Variants in PLS3 observed in about 807,000 individuals in gnomAD.
PLS3 encodes the protein plastin-3.
A neutral mutation model predicts 46.5 loss-of-function variants in PLS3; 11 were observed. The ratio of observed to expected loss-of-function variants is 0.24; its 90% CI spans 0.15 to 0.39. The LOEUF is 0.39. Ranked by LOEUF, PLS3 falls within the 10% of genes least tolerant of loss-of-function variation. The pLI is 1.00. For synonymous variants in PLS3, 167 were observed against 162.2 expected, an observed-to-expected ratio of 1.03 and a Z score of -0.22; for missense variants, 308 against 461.8, an observed-to-expected ratio of 0.67 and a Z score of 3.05.
Position 115,629,286 on chromosome X carries a change from C to G in PLS3, c.326C>G (p.Thr109Ser). 1 of 1,205,590 alleles carries G rather than the reference C, an allele frequency of 8.3e-7. No homozygotes were observed. Among genetic ancestry groups the G allele is most frequent in the Non-Finnish European group, 1.1e-6 (1 of 890,962 alleles). ...GAAGGTATTTGTGCTCTGGGTGGAA[C>G]TTCAGAGTTGTCCAGCGAAGGAACA... ...RKEGICALGG[T>S]SELSSEGTQH... Residue 109 changes from threonine (T) to serine (S), a missense_variant, in exon 4 of 16, where the codon ACT (threonine) becomes AGT (serine). Thr to Ser is a moderately conservative substitution (Grantham distance 58). Transcript: ENST00000355899.
In PLS3 at chrX:115,620,706, CTTTTTTTTTTTT is replaced by C. The variant is rs1176959674; in HGVS notation, c.74-1527_74-1516del. 1.5e-3 allele frequency among the ~76,000 whole-genome samples: 84 copies of C among 54,727 alleles called. 2 individuals are homozygous for C. In the East Asian group the frequency reaches 0.039, roughly 25 times the overall value. 47.5% of individuals were successfully genotyped at this position (54,727 alleles called of 115,157 possible). ...TGCTTTTTTCTTTTTTTTTTCTTTT[CTTTTTTTTTTTT>C]TTTTTTTTTTTTGAGATGGAGTCTT... is the stretch of plus-strand genomic sequence containing the variant. On this transcript the variant is annotated intron_variant, in intron 2 of 15. Coordinates refer to ENST00000355899, the MANE Select transcript of PLS3 (RefSeq NM_005032.7).
chrX:115,598,100 A>G (rs781960828), intron 1 of PLS3, among the ~76,000 whole-genome samples: 1 of 110,180 alleles, frequency 9.1e-6, no homozygotes, highest in South Asian at 3.9e-4. Context: ...CAGGAGTTCA[A>G]GACCAACCTG....
chrX:115,648,379 G>A (rs376256298), intron 15 of PLS3, among the ~76,000 whole-genome samples: 4 of 110,956 alleles, frequency 3.6e-5, no homozygotes, highest in African/African-American at 3.3e-5. Flanking sequence ...TTTAAAAAAC[G>A]CATTATCCAC....
At chrX:115,584,589 G>A (rs1556632196) in intron 1 of PLS3, among the ~76,000 whole-genome samples, 3 of 111,597 alleles carry the variant, frequency 2.7e-5, no homozygotes, top group African/African-American at 9.8e-5. Context: ...TCATTTATCA[G>A]TGTTATACTT....
intron 2 of PLS3, among the ~76,000 whole-genome samples, chrX:115,611,747 C>T (rs1556636146): frequency 9.0e-6 from 1 of 111,396 alleles, no homozygotes; most frequent in African/African-American, 3.3e-5. Flanking sequence ...ATATTGTTTA[C>T]CTGATGAGAC....
chrX:115,600,751 A>G lies in PLS3; in HGVS notation c.-8-9492A>G, dbSNP rs1330974610. Among the ~76,000 whole-genome samples, 4 of 111,604 alleles carry G rather than the reference A, an allele frequency of 3.6e-5. No homozygotes were observed. The East Asian group carries it at 1.1e-3, about 32-fold the overall frequency. ...GAGAAGTCTATAATTAAATTTCAAA[A>G]TTTTGTGGCAAGATTCTAAATTCTC... On this transcript the variant is annotated intron_variant, in intron 1 of 15. Coordinates refer to ENST00000355899, the MANE Select transcript of PLS3 (RefSeq NM_005032.7).
chrX:115,645,989 T>C, intron 11 of PLS3, 83 bp from the exon 12 acceptor site: 1 of 528,703 alleles, frequency 1.9e-6, no homozygotes, highest in Non-Finnish European at 3.4e-6. Flanking sequence ...ATATCTTGTT[T>C]GACAATGTAG....
At chrX:115,575,460 T>C (rs782655886) in intron 1 of PLS3, among the ~76,000 whole-genome samples, 10 of 111,931 alleles carry the variant, frequency 8.9e-5, no homozygotes, top group Non-Finnish European at 1.7e-4. Context: ...TTTTTGTTCC[T>C]TGAGACGGAG....
At chrX:115,603,185 T>C (rs1374879027) in intron 1 of PLS3, among the ~76,000 whole-genome samples, 2 of 111,814 alleles carry the variant, frequency 1.8e-5, no homozygotes, top group Non-Finnish European at 3.8e-5. Flanking sequence ...GTATTGTTAG[T>C]CAAACTCTGT....
intron 1 of PLS3, among the ~76,000 whole-genome samples, chrX:115,572,123 A>G (rs1347322534): frequency 2.7e-5 from 3 of 112,092 alleles, no homozygotes; most frequent in Non-Finnish European, 5.6e-5. Context: ...GTTTAAAAAT[A>G]TAAGCCAACC....
At chrX:115,562,565 T>C (rs1355989432) in intron 1 of PLS3, 4 of 111,375 alleles carry the variant, frequency 3.6e-5, no homozygotes, top group Non-Finnish European at 7.5e-5. Flanking sequence ...GAAGGGAGCC[T>C]GGCTAACAGT....
chrX:115,644,966 T>C (rs2074936131), intron 10 of PLS3, 55 bp from the exon 11 acceptor site: 1 of 730,017 alleles, frequency 1.4e-6, no homozygotes, highest in Non-Finnish European at 2.2e-6. Context: ...TGGCACTATA[T>C]GCACATACAT....
At chrX:115,600,844 G>A (rs2074435976) in intron 1 of PLS3, among the ~76,000 whole-genome samples, 1 of 111,291 alleles carries the variant, frequency 9.0e-6, no homozygotes, top group Non-Finnish European at 1.9e-5. Context: ...AGAGGATGAG[G>A]CTTCTGAACC....
intron 1 of PLS3, among the ~76,000 whole-genome samples, chrX:115,572,045 A>C: frequency 8.9e-6 from 1 of 112,523 alleles, no homozygotes. Context: ...TGTGGTAATT[A>C]AAAAGCAAAT....
intron 2 of PLS3, among the ~76,000 whole-genome samples, chrX:115,611,774 G>A (rs1186161409): frequency 1.8e-5 from 2 of 111,582 alleles, no homozygotes; most frequent in Admixed American, 9.6e-5. Flanking sequence ...TACATTTGAC[G>A]AGTAAAAGAA....
At chrX:115,608,919 T>C (rs782269192) in intron 1 of PLS3, among the ~76,000 whole-genome samples, 6 of 109,407 alleles carry the variant, frequency 5.5e-5, no homozygotes, top group Non-Finnish European at 1.1e-4. Context: ...GATTTTGCTG[T>C]GAACCTAAAA....
intron 4 of PLS3, among the ~76,000 whole-genome samples, chrX:115,629,614 CT>C (rs2074744060): frequency 1.8e-5 from 2 of 111,494 alleles, no homozygotes; most frequent in South Asian, 3.8e-4. Context: ...AATTTTGTAA[CT>C]TTTCTGAGGA....
intron 2 of PLS3, among the ~76,000 whole-genome samples, chrX:115,621,871 C>T (rs2074658823): frequency 9.0e-6 from 1 of 111,634 alleles, no homozygotes; most frequent in African/African-American, 3.2e-5. Context: ...ACACAAAATT[C>T]CTATACTTAC....
chrX:115,596,129 A>G (rs1196769992), intron 1 of PLS3, among the ~76,000 whole-genome samples: 1 of 112,145 alleles, frequency 8.9e-6, no homozygotes, highest in Non-Finnish European at 1.9e-5. Flanking sequence ...GTTTTTTAGT[A>G]TCTTGAAGTA....
Sources: allele counts gnomAD v4.1 joint callset (sites outside exome capture counted in the v4.1 genomes callset), GRCh38; gene constraint gnomAD v4.1.1; transcripts MANE v1.5; gene names NCBI Gene and HGNC (gene_info 2026-07-23, HGNC 2026-07-21).